Variants in VEGFD observed in about 807,000 individuals in gnomAD.
VEGFD encodes the protein vascular endothelial growth factor D.
VEGFD carries 26 observed loss-of-function variants against 28.0 expected under a neutral mutation model. The ratio of observed to expected loss-of-function variants is 0.93; its 90% confidence interval spans 0.68 to 1.29. The LOEUF (loss-of-function observed/expected upper bound fraction) is 1.29, where lower values mean the gene tolerates loss of function less well. Among genes scored for constraint, VEGFD ranks in the 50% most tolerant of loss-of-function variants. The pLI is 0.00. For synonymous variants in VEGFD, 93 were observed against 95.5 expected (o/e 0.97, Z 0.15); for missense variants, 294 against 273.4 (o/e 1.08, Z -0.53).
At chrX:15,353,687 C>T (rs1214546782) in intron 4 of VEGFD, among the ~76,000 whole-genome samples, 2 of 109,751 alleles carry the variant, frequency 1.8e-5, no homozygotes, top group Admixed American at 9.6e-5. Flanking sequence ...TTGCAGTGAG[C>T]CGAGATCTCG....
At chrX:15,378,111 A>G (rs1923482042) in intron 1 of VEGFD, among the ~76,000 whole-genome samples, 1 of 111,557 alleles carries the variant, frequency 9.0e-6, no homozygotes, top group Non-Finnish European at 1.9e-5. Flanking sequence ...TTTTGTCCAG[A>G]CCCCTGTGCA....
At chrX:15,356,013 G>C (rs776146333) in intron 3 of VEGFD, among the ~76,000 whole-genome samples, 1 of 112,251 alleles carries the variant, frequency 8.9e-6, no homozygotes, top group African/African-American at 3.2e-5. Flanking sequence ...TGTATTAATA[G>C]CTGACTGATA....
At chrX:15,350,558 C>T (rs983538277) in intron 5 of VEGFD, among the ~76,000 whole-genome samples, 1 of 112,426 alleles carries the variant, frequency 8.9e-6, no homozygotes, top group Non-Finnish European at 1.9e-5. Context: ...TTAGCAACTG[C>T]GCTGTGGTCT....
At position 15,383,967 on chromosome X, in the gene VEGFD, C is replaced by G. The variant is rs1923654194; in HGVS notation, c.-21G>C. ...TACATTTTGAATATTTCAATATCCA[C>G]TGATTACTAAGCAGTTGACATCAGG... On this transcript the variant is annotated 5_prime_UTR_variant, in exon 1 of 7. Coordinates refer to ENST00000297904, the MANE Select transcript of VEGFD (RefSeq NM_004469.5). 1 of 1,099,964 alleles carries G rather than the reference C, an allele frequency of 9.1e-7. No homozygotes were observed. 90.6% of individuals were successfully genotyped at this position (1,099,964 alleles called of 1,213,427 possible). A position where few individuals can be genotyped will look rare whatever the true frequency, so the allele number is the denominator to read the frequency against.
intron 1 of VEGFD, among the ~76,000 whole-genome samples, chrX:15,364,880 A>G (rs1448648617): frequency 8.9e-6 from 1 of 112,411 alleles, no homozygotes; most frequent in Non-Finnish European, 1.9e-5. Context: ...TGTAGTTAAA[A>G]TCTACATCAT....
intron 3 of VEGFD, among the ~76,000 whole-genome samples, chrX:15,356,966 T>C (rs1431805992): frequency 8.9e-6 from 1 of 112,366 alleles, no homozygotes; most frequent in African/African-American, 3.2e-5. Context: ...TTTCTTGTAC[T>C]ACCTCTTTTT....
intron 1 of VEGFD, among the ~76,000 whole-genome samples, chrX:15,383,642 A>G (rs933305196): frequency 9.0e-6 from 1 of 111,277 alleles, no homozygotes; most frequent in Admixed American, 9.6e-5. Context: ...AAAACAACCA[A>G]CCCCCACCCC....
At chrX:15,375,409 T>C (rs1385880650) in intron 1 of VEGFD, among the ~76,000 whole-genome samples, 1 of 111,988 alleles carries the variant, frequency 8.9e-6, no homozygotes, top group East Asian at 2.8e-4. Flanking sequence ...GTGTACTAAC[T>C]AGGGCAGGGA....
intron 1 of VEGFD, among the ~76,000 whole-genome samples, chrX:15,378,747 T>C (rs1011627102): frequency 3.6e-5 from 4 of 112,243 alleles, no homozygotes; most frequent in Non-Finnish European, 7.5e-5. Flanking sequence ...TGTTTTTGTA[T>C]GGCCTGTTAG....
At chrX:15,372,247 A>G (rs1387065816) in intron 1 of VEGFD, among the ~76,000 whole-genome samples, 1 of 112,000 alleles carries the variant, frequency 8.9e-6, no homozygotes, top group African/African-American at 3.2e-5. Flanking sequence ...ACTATTCTAA[A>G]AAAATGAGAA....
intron 1 of VEGFD, among the ~76,000 whole-genome samples, chrX:15,371,302 A>G (rs777338462): frequency 6.2e-5 from 7 of 112,373 alleles, no homozygotes; most frequent in South Asian, 7.4e-4. Flanking sequence ...TCACATCAAC[A>G]TTTGTAAAAT....
At chrX:15,346,863 G>A (rs1922563270) in intron 6 of VEGFD, among the ~76,000 whole-genome samples, 1 of 110,623 alleles carries the variant, frequency 9.0e-6, no homozygotes, top group East Asian at 2.8e-4. Context: ...CCAGAGAGAC[G>A]GAGGTTGCAG....
intron 2 of VEGFD, among the ~76,000 whole-genome samples, chrX:15,358,911 A>G (rs1234681690): frequency 8.9e-6 from 1 of 112,424 alleles, no homozygotes; most frequent in Non-Finnish European, 1.9e-5. Context: ...CTCATAATTT[A>G]TTTTTTAAAT....
intron 2 of VEGFD, among the ~76,000 whole-genome samples, chrX:15,362,899 T>C (rs1170902416): frequency 8.9e-6 from 1 of 112,081 alleles, no homozygotes; most frequent in Non-Finnish European, 1.9e-5. Flanking sequence ...GATGTTCTTT[T>C]GTGTTTTTTA....
At position 15,357,998 on chromosome X, in the gene VEGFD, T is replaced by C; in HGVS notation, c.492+5A>G. The C allele has an allele frequency of 2.5e-6, 3 of 1,208,376 alleles. No homozygotes were observed. The highest frequency in any genetic ancestry group is 3.4e-6 in the Non-Finnish European group (3 of 893,307). Reference sequence around the variant, plus strand: ...GAGACGGCAGGCTTGCCGATGTCCTTATACCTGTTTGGAAATGTACGAGGT... The same window carrying C: ...GAGACGGCAGGCTTGCCGATGTCCTCATACCTGTTTGGAAATGTACGAGGT... On this transcript the variant is annotated splice_donor_5th_base_variant and intron_variant, in intron 3 of 6. Coordinates refer to ENST00000297904, the MANE Select transcript of VEGFD (RefSeq NM_004469.5).
At chrX:15,379,813 C>CA (rs1326860265) in intron 1 of VEGFD, among the ~76,000 whole-genome samples, 1 of 111,934 alleles carries the variant, frequency 8.9e-6, no homozygotes, top group Admixed American at 9.4e-5. Context: ...TGTGTGTGGA[C>CA]AAATACTATA....
chrX:15,367,593 T>A (rs1236167122), intron 1 of VEGFD, among the ~76,000 whole-genome samples: 1 of 111,846 alleles, frequency 8.9e-6, no homozygotes, highest in African/African-American at 3.3e-5. Flanking sequence ...AGCAGCTTTT[T>A]AAAGATTTTA....
intron 5 of VEGFD, among the ~76,000 whole-genome samples, chrX:15,352,673 A>G (rs756852922): frequency 3.6e-4 from 40 of 112,345 alleles, no homozygotes; most frequent in Non-Finnish European, 6.9e-4. Flanking sequence ...TTTAGTTCTG[A>G]AGCAGCTTTC....
At chrX:15,354,458 T>C (rs1922815392) in intron 4 of VEGFD, among the ~76,000 whole-genome samples, 1 of 111,650 alleles carries the variant, frequency 9.0e-6, no homozygotes. Flanking sequence ...ATATATTTAT[T>C]GCTTTACTTT....
Sources: allele counts gnomAD v4.1 joint callset (sites outside exome capture counted in the v4.1 genomes callset), GRCh38; gene constraint gnomAD v4.1.1; transcripts MANE v1.5; gene names NCBI Gene and HGNC (gene_info 2026-07-23, HGNC 2026-07-21).